GLB1: variants seen among roughly 807,000 people sequenced by gnomAD.
GLB1 encodes the protein beta-galactosidase.
A neutral mutation model predicts 74.0 loss-of-function variants in GLB1; 56 were observed. The ratio of observed to expected loss-of-function variants is 0.76; its 90% confidence interval spans 0.61 to 0.94. The LOEUF (loss-of-function observed/expected upper bound fraction) is 0.94. Among genes scored for constraint, GLB1 ranks in the 40% least tolerant of loss-of-function variants. The pLI, the probability that GLB1 is intolerant of heterozygous loss-of-function variation, is 0.00. For missense variants in GLB1, 787 were observed against 845.5 expected, an observed-to-expected ratio of 0.93 and a Z score of 0.86; for synonymous variants, 323 against 323.6, an observed-to-expected ratio of 1.00 and a Z score of 0.02.
chr3:33,093,242 GCCA>G lies in GLB1; in HGVS notation c.75+3766_75+3768del, dbSNP rs777009615. The G allele has an allele frequency of 6.2e-7, 1 of 1,614,092 alleles. No homozygotes were observed. Among genetic ancestry groups the G allele is most frequent in the East Asian group, 2.2e-5 (1 of 44,880 alleles). ...CCTCATCCTCACTCCCACTGCCACTGCCACCACCACCACGTTGGGCCCGTGTGG... is the reference window on the plus strand; with the variant it reads ...CCTCATCCTCACTCCCACTGCCACTGCCACCACCACGTTGGGCCCGTGTGG... On this transcript the variant is annotated intron_variant, in intron 1 of 15. Coordinates refer to ENST00000307363, the MANE Select transcript of GLB1 (RefSeq NM_000404.4). The surrounding 1 kb of genome is among the most constrained non-coding windows in gnomAD (Gnocchi z 6.0).
chr3:33,090,315 G>T, intron 1 of GLB1: 2 of 820,590 alleles, frequency 2.4e-6, no homozygotes, highest in Non-Finnish European at 2.9e-6. Context: ...GAGAAAGGAT[G>T]GCAGAGTGGT....
chr3:32,985,242 A>G, the GLB1 span, among the ~76,000 whole-genome samples: 57 of 151,512 alleles, frequency 3.8e-4, 1 homozygote, highest in South Asian at 0.012. Context: ...TTCTTCATAT[A>G]TTTTATTTTA....
chr3:33,019,457 A>C (rs2125471422), intron 12 of GLB1, among the ~76,000 whole-genome samples: 1 of 152,336 alleles, frequency 6.6e-6, no homozygotes, highest in East Asian at 1.9e-4. Flanking sequence ...ATGCAAATAG[A>C]GATCCAGCAT....
At chr3:32,990,187 T>A in the GLB1 span, among the ~76,000 whole-genome samples, 1 of 152,202 alleles carries the variant, frequency 6.6e-6, no homozygotes, top group Non-Finnish European at 1.5e-5. Context: ...TCTCTGCAGA[T>A]GCTGCCTCCC....
intron 10 of GLB1, among the ~76,000 whole-genome samples, chr3:33,026,675 T>G (rs1387077253): frequency 6.6e-6 from 1 of 152,074 alleles, no homozygotes; most frequent in Non-Finnish European, 1.5e-5. Context: ...CCATAACAAC[T>G]GCTGGCTCAG....
chr3:33,094,047 A>C, intron 1 of GLB1: 1 of 1,614,250 alleles, frequency 6.2e-7, no homozygotes, highest in Admixed American at 1.7e-5. Flanking sequence ...GTTGACAAAC[A>C]GGGCAAGCTG....
the GLB1 span, among the ~76,000 whole-genome samples, chr3:32,973,884 T>A: frequency 6.6e-6 from 1 of 152,152 alleles, no homozygotes. Context: ...AAAGCTGAGA[T>A]TGTAAGTCCT....
chr3:33,041,910 T>C (rs1031412983), intron 10 of GLB1, among the ~76,000 whole-genome samples: 10 of 152,054 alleles, frequency 6.6e-5, no homozygotes, highest in African/African-American at 2.2e-4. Context: ...CTAGTACATA[T>C]ACTAGACAAG....
intron 3 of GLB1, 52 bp downstream of exon 3, chr3:33,068,768 G>T: frequency 1.2e-6 from 2 of 1,612,460 alleles, no homozygotes; most frequent in African/African-American, 1.3e-5. Flanking sequence ...CCCCAGAGCT[G>T]CTGCCTGCCA....
At position 33,009,122 on chromosome 3, in the gene GLB1, AAAATAAAT is replaced by A. The variant is rs201038052; in HGVS notation, c.1734+4926_1734+4933del. Among the ~76,000 whole-genome samples, 815 of 137,508 alleles carry A rather than the reference AAAATAAAT, an allele frequency of 5.9e-3. 2 individuals are homozygous for A. Among genetic ancestry groups the A allele is most frequent in the Non-Finnish European group, 0.01 (640 of 63,308 alleles). The allele number at this position is 137,508 out of a possible 152,430, so 90.2% of individuals were successfully genotyped here. ...CAACAAGAATGAAACTCCATCTTAAAAAATAAATAAATAAATAAATAAATAAATAAATA... is the reference window on the plus strand; with the variant it reads ...CAACAAGAATGAAACTCCATCTTAAAAAATAAATAAATAAATAAATAAATA... On this transcript the variant is annotated intron_variant, in intron 15 of 15. Transcript: ENST00000307363.
At chr3:33,051,296 T>C (rs1217585239) in intron 9 of GLB1, among the ~76,000 whole-genome samples, 1 of 148,666 alleles carries the variant, frequency 6.7e-6, no homozygotes. Context: ...AGGTAATCCT[T>C]ATATGTTAGA....
At chr3:33,021,417 A>T (rs1697475687) in intron 12 of GLB1, 149 bp downstream of exon 12, 6 of 887,438 alleles carry the variant, frequency 6.8e-6, no homozygotes, top group Non-Finnish European at 7.1e-6. Flanking sequence ...AGCTAAAGAG[A>T]GCCTGGAAAT....
chr3:33,007,170 C>T (rs367871932), intron 15 of GLB1, among the ~76,000 whole-genome samples: 15 of 152,188 alleles, frequency 9.9e-5, no homozygotes, highest in East Asian at 9.6e-4. Context: ...GACCTTCACA[C>T]GCATTCAGTC....
rs796557479 is a variant in GLB1, at chr3:33,084,436, C to G, written c.76-11723G>C. ...ATAGGCTGGAGAAGGAAAACAGGTG[C>G]AGGCAATGGTGATAATCTATATGGA... On this transcript the variant is annotated intron_variant, in intron 1 of 15. Coordinates refer to ENST00000307363, the MANE Select transcript of GLB1 (RefSeq NM_000404.4). Among the ~76,000 whole-genome samples the G allele has an allele frequency of 2.6e-5, 4 of 152,152 alleles. No individual in the cohort carries two copies. The South Asian group carries it at 8.3e-4, about 32-fold the overall frequency.
intron 1 of GLB1, among the ~76,000 whole-genome samples, chr3:33,075,995 A>T (rs1471495916): frequency 1.3e-5 from 2 of 150,504 alleles, no homozygotes; most frequent in Non-Finnish European, 3.0e-5. Context: ...CAGTGAGCCG[A>T]GATTGTGCCA....
chr3:32,966,765 G>A, the GLB1 span, among the ~76,000 whole-genome samples: 76 of 152,238 alleles, frequency 5.0e-4, no homozygotes, highest in Admixed American at 1.8e-3. Flanking sequence ...TTTAATCATG[G>A]CAGTGGGTTT....
intron 15 of GLB1, among the ~76,000 whole-genome samples, chr3:33,009,605 T>C (rs1696939174): frequency 6.6e-6 from 1 of 152,204 alleles, no homozygotes; most frequent in African/African-American, 2.4e-5. Flanking sequence ...AGAGAGGATA[T>C]TAAAGCCTAA....
chr3:33,033,039 G>A (rs1174427699), intron 10 of GLB1, among the ~76,000 whole-genome samples: 1 of 152,218 alleles, frequency 6.6e-6, no homozygotes, highest in Non-Finnish European at 1.5e-5. Flanking sequence ...TACTTTACAT[G>A]GGTACAGTAG....
rs372500334 is a variant in GLB1, at chr3:33,093,495, T to G, written c.75+3516A>C. The G allele has an allele frequency of 6.2e-7, 1 of 1,614,058 alleles. No homozygotes were observed. Among genetic ancestry groups the G allele is most frequent in the African/African-American group, 1.3e-5 (1 of 74,920 alleles). ...CACCGTGATGTCTGGTTCCAGCACA[T>G]TCACCATCCTCACAAACATTTCCAT... On this transcript the variant is annotated intron_variant, in intron 1 of 15. Transcript: ENST00000307363. This position sits in a 1 kb window ranked among gnomAD's most constrained non-coding sequence, Gnocchi z 6.0.
Sources: gnomAD v4.1 joint callset for allele counts (sites outside exome capture counted in the v4.1 genomes callset) on GRCh38, gnomAD v4.1.1 for gene constraint, Gnocchi (gnomAD v3.1) non-coding constraint, MANE v1.5 for transcripts, NCBI Gene and HGNC (gene_info 2026-07-23, HGNC 2026-07-21) for gene names.